RETSAT: variants seen among roughly 807,000 people sequenced by gnomAD.
RETSAT encodes retinol saturase.
In RETSAT, 35 loss-of-function variants were observed where a neutral mutation model predicts 61.6. The observed-to-expected ratio is 0.57, with a 90% CI of 0.43 to 0.75. The LOEUF (loss-of-function observed/expected upper bound fraction) is 0.75. Ranked by LOEUF, RETSAT falls within the 30% of genes least tolerant of loss-of-function variation. The pLI, the probability that RETSAT is intolerant of heterozygous loss-of-function variation, is 0.00. For synonymous variants in RETSAT, 277 were observed against 310.4 expected (o/e 0.89, Z 1.13); for missense variants, 670 against 759.5 (o/e 0.88, Z 1.38).
Position 85,350,170 on chromosome 2 carries a change from G to A in RETSAT, c.669C>T (p.Asp223=), listed in dbSNP as rs1474632183. 1.9e-6 allele frequency: 3 copies of A among 1,613,948 alleles called. No individual in the cohort carries two copies. Among genetic ancestry groups the A allele is most frequent in the Non-Finnish European group, 2.5e-6 (3 of 1,179,986 alleles). Reference sequence around the variant, plus strand: ...AGAAACGAGTCAGCAGCCCACACCTGTCGAGGAGCTGAACCACGGGCAATG... The same window carrying A: ...AGAAACGAGTCAGCAGCCCACACCTATCGAGGAGCTGAACCACGGGCAATG... The part of the protein sequence containing the change: ...FLPLPVVQLL[D]RCGLLTRFSP... Residue 223 remains aspartate, a synonymous_variant, in exon 4 of 11, where the codon GAC becomes GAT. Coordinates refer to ENST00000295802, the MANE Select transcript of RETSAT (RefSeq NM_017750.4).
intron 9 of RETSAT, 29 bp from the exon 10 acceptor site, chr2:85,343,827 G>A (rs766564472): frequency 9.3e-6 from 15 of 1,610,694 alleles, no homozygotes; most frequent in African/African-American, 1.3e-5. Flanking sequence ...GGGCAGGCAT[G>A]TGAGATCCTG....
intron 5 of RETSAT, 82 bp downstream of exon 5, chr2:85,349,302 T>A: frequency 7.3e-7 from 1 of 1,371,430 alleles, no homozygotes; most frequent in African/African-American, 1.4e-5. Context: ...GTTCTCCTAC[T>A]CCTTCTGGTC....
At chr2:85,352,220 ATTTTAT>A (rs755489100) in intron 1 of RETSAT, among the ~76,000 whole-genome samples, 4 of 151,718 alleles carry the variant, frequency 2.6e-5, no homozygotes, top group African/African-American at 7.3e-5. Context: ...ATGCCGGGCC[ATTTTAT>A]TTTTATTTTT....
At position 85,343,107 on chromosome 2, in the gene RETSAT, G is replaced by C. The variant is rs1336438806; in HGVS notation, c.*135C>G. 8.6e-6 allele frequency: 11 copies of C among 1,273,680 alleles called. No individual in the cohort carries two copies. The highest frequency in any genetic ancestry group is 3.9e-4 in the Middle Eastern group (2 of 5,162). 78.9% of individuals were successfully genotyped at this position (1,273,680 alleles called of 1,614,324 possible). ...AGATTCGGAATTGTGATTTAAACTA[G>C]GCCTCTCTTCAGGCATCAGAACCAA... On this transcript the variant is annotated 3_prime_UTR_variant, in exon 11 of 11. Transcript: ENST00000295802.
In RETSAT at chr2:85,345,998, G is replaced by A. The variant is rs772698925; in HGVS notation, c.1094C>T (p.Pro365Leu). ...ACCTGGCAGGCAGCGGGCGTTCCCC[G>A]GCAGTAGGTGTTCATAGGTGTTGAA... is the stretch of plus-strand genomic sequence containing the variant. ...GLFNTYEHLL[P>L]GNARCLPGVK... The change falls in exon 6 of 11, where the codon CCG (proline) becomes CTG (leucine). Residue 365 changes from proline (P) to leucine (L), a missense_variant. Coordinates refer to ENST00000295802, the MANE Select transcript of RETSAT (RefSeq NM_017750.4). 4.5e-5 allele frequency: 73 copies of A among 1,614,012 alleles called. No homozygotes were observed. Among genetic ancestry groups the A allele is most frequent in the South Asian group, 6.6e-5 (6 of 91,090 alleles).
At position 85,350,933 on chromosome 2, in the gene RETSAT, G is replaced by A; in HGVS notation, c.444C>T (p.Pro148=). 2 of 1,614,198 alleles carry A rather than the reference G, an allele frequency of 1.2e-6. No homozygotes were observed. Among genetic ancestry groups the A allele is most frequent in the Admixed American group, 1.7e-5 (1 of 60,026 alleles). Residue 148 remains proline (P), a synonymous_variant, in exon 3 of 11, where the codon CCC becomes CCT. Coordinates refer to ENST00000295802, the MANE Select transcript of RETSAT (RefSeq NM_017750.4). ...CCATGATGTCAAAAGGAGAGGACAG[G>A]GGAGCCCAGTCCAGCTGCCCTTCAG... ...QITEGQLDWA[P]LSSPFDIMVL... is the part of the protein sequence containing the mutation.
Position 85,350,892 on chromosome 2 carries a change from T to C in RETSAT, c.485A>G (p.Asn162Ser), listed in dbSNP as rs199654991. Reference protein sequence around the residue: ...PFDIMVLEGPNGRKEYPMYSG... With the variant: ...PFDIMVLEGPSGRKEYPMYSG... ...GTACATGGGGTACTCCTTTCGGCCA[T>C]TGGGCCCTTCCAGTACCATGATGTC... The change falls in exon 3 of 11, where the codon AAT (asparagine) becomes AGT (serine). Residue 162 changes from asparagine to serine, a missense_variant. Coordinates refer to ENST00000295802, the MANE Select transcript of RETSAT (RefSeq NM_017750.4). The C allele has an allele frequency of 1.2e-4, 194 of 1,614,098 alleles. 1 individual carries two copies. In the South Asian group the frequency reaches 1.7e-3, roughly 14 times the overall value.
In RETSAT at chr2:85,345,001, A is replaced by G. The variant is rs1573061916; in HGVS notation, c.1118-269T>C. Among the ~76,000 whole-genome samples the G allele has an allele frequency of 2.0e-5, 3 of 152,316 alleles. 1 individual carries two copies. The East Asian group carries it at 5.8e-4, about 29-fold the overall frequency. On this transcript the variant is annotated intron_variant, in intron 6 of 10. Transcript: ENST00000295802. ...TGTAGCAGGGCTGCCTGGCCAGGAC[A>G]GTGTCAGTTCCCAGAGGTCCTGGGA...
At chr2:85,351,942 C>T (rs1683306211) in intron 1 of RETSAT, 80 bp from the exon 2 acceptor site, 1 of 1,398,586 alleles carries the variant, frequency 7.2e-7, no homozygotes, top group Non-Finnish European at 9.8e-7. Flanking sequence ...AAGAAGACTT[C>T]TCTAGCTTGT....
At chr2:85,345,606 G>A (rs1208222289) in intron 6 of RETSAT, 17 of 368,048 alleles carry the variant, frequency 4.6e-5, no homozygotes, top group East Asian at 1.4e-4. Flanking sequence ...GCGTTGGCTC[G>A]GCGGCTCTGC....
intron 4 of RETSAT, 165 bp from the exon 5 acceptor site, chr2:85,349,746 G>T: frequency 1.5e-6 from 1 of 670,616 alleles, no homozygotes; most frequent in Non-Finnish European, 2.6e-6. Flanking sequence ...TAGACATGGG[G>T]TACCTTAGAG....
intron 3 of RETSAT, 111 bp downstream of exon 3, chr2:85,350,669 C>G (rs1683283491): frequency 8.0e-7 from 1 of 1,256,460 alleles, no homozygotes; most frequent in Non-Finnish European, 1.1e-6. Flanking sequence ...GTGACTCTTC[C>G]TCCCTTCCTG....
intron 3 of RETSAT, 89 bp downstream of exon 3, chr2:85,350,691 G>T: frequency 6.7e-7 from 1 of 1,491,264 alleles, no homozygotes; most frequent in Non-Finnish European, 9.2e-7. Flanking sequence ...CTCCCGCACT[G>T]CACTCTCCAC....
chr2:85,345,779 G>A (rs748686605), intron 6 of RETSAT, 196 bp downstream of exon 6: 81 of 737,820 alleles, frequency 1.1e-4, no homozygotes, highest in Non-Finnish European at 1.9e-4. Flanking sequence ...TAATTAATCT[G>A]TATGGGCCTC....
In RETSAT at chr2:85,344,310, G is replaced by A. The variant is rs76973216; in HGVS notation, c.1295C>T (p.Ala432Val). Residue 432 changes from alanine to valine, a missense_variant, in exon 8 of 11, where the codon GCG (alanine) becomes GTG (valine). Coordinates refer to ENST00000295802, the MANE Select transcript of RETSAT (RefSeq NM_017750.4). ...RYVSMPREEA[A>V]EHIPLLFFAF... ...GAAGAAGAGAAGAGGGATGTGTTCC[G>A]CAGCCTCTTCCCTGGGCATGGAGAC... The A allele has an allele frequency of 3.3e-3, 5,363 of 1,614,048 alleles. 131 individuals carry two copies. The East Asian group carries it at 0.063, about 19-fold the overall frequency.
chr2:85,345,994 C>T lies in RETSAT; in HGVS notation c.1098G>A (p.Gly366=), dbSNP rs1573062455. The part of the protein sequence containing the change: ...LFNTYEHLLP[G]NARCLPGVKQ... ...TTTTACCTGGCAGGCAGCGGGCGTTCCCCGGCAGTAGGTGTTCATAGGTGT... is the reference window on the plus strand; with the variant it reads ...TTTTACCTGGCAGGCAGCGGGCGTTTCCCGGCAGTAGGTGTTCATAGGTGT... Residue 366 remains glycine, a synonymous_variant, in exon 6 of 11, where the codon GGG becomes GGA. Coordinates refer to ENST00000295802, the MANE Select transcript of RETSAT (RefSeq NM_017750.4). 6.2e-7 allele frequency: 1 copy of T among 1,614,150 alleles called. No individual in the cohort carries two copies. The highest frequency in any genetic ancestry group is 8.5e-7 in the Non-Finnish European group (1 of 1,180,036).
In RETSAT at chr2:85,345,977, G is replaced by C. The variant is rs1683193146; in HGVS notation, c.1115C>G (p.Pro372Arg). 1.9e-6 allele frequency: 3 copies of C among 1,614,172 alleles called. No homozygotes were observed. Among genetic ancestry groups the C allele is most frequent in the Non-Finnish European group, 2.5e-6 (3 of 1,180,036 alleles). ...GGCAGTGCAGACCCGCCTTTTACCT[G>C]GCAGGCAGCGGGCGTTCCCCGGCAG... ...HLLPGNARCLPGVKQQLGTVR... is the reference protein window; with the variant it reads ...HLLPGNARCLRGVKQQLGTVR... The change falls in exon 6 of 11, where the codon CCA becomes CGA. Residue 372 changes from proline to arginine, a missense_variant and splice_region_variant. Pro to Arg is a moderately radical substitution (Grantham distance 103). Transcript: ENST00000295802.
intron 4 of RETSAT, 74 bp from the exon 5 acceptor site, chr2:85,349,655 T>C: frequency 3.9e-6 from 5 of 1,298,610 alleles, no homozygotes; most frequent in Non-Finnish European, 5.5e-6. Context: ...CGTGGAATTC[T>C]GTGAGATAAC....
rs1293568534 is a variant in RETSAT, at chr2:85,344,590, T to C, written c.1256+4A>G. On this transcript the variant is annotated splice_donor_region_variant and intron_variant, in intron 7 of 10. Transcript: ENST00000295802. ...ACACACATACACACACACGTGCACCTTACGCCTGGTCCATGTCCGTGTCAT... is the reference window on the plus strand; with the variant it reads ...ACACACATACACACACACGTGCACCCTACGCCTGGTCCATGTCCGTGTCAT... 2 of 1,613,936 alleles carry C rather than the reference T, an allele frequency of 1.2e-6. No homozygotes were observed. Among genetic ancestry groups the C allele is most frequent in the Non-Finnish European group, 1.7e-6 (2 of 1,179,958 alleles).
Sources: gnomAD v4.1 joint callset for allele counts (sites outside exome capture counted in the v4.1 genomes callset) on GRCh38, gnomAD v4.1.1 for gene constraint, MANE v1.5 for transcripts, NCBI Gene and HGNC (gene_info 2026-07-23, HGNC 2026-07-21) for gene names.